The following FMN2 variants were observed in gnomAD, a reference collection of about 807,000 sequenced individuals.
FMN2 encodes formin 2.
Under a neutral mutation model 142.3 loss-of-function variants are expected in FMN2, and 51 were observed. The ratio of observed to expected loss-of-function variants is 0.36; its 90% CI spans 0.29 to 0.45. FMN2 has a LOEUF of 0.45. FMN2 is among the 20% of genes least tolerant of loss of function. The pLI, the probability that FMN2 is intolerant of heterozygous loss-of-function variation, is 1.00. For missense variants in FMN2, 1,936 were observed against 2,122.8 expected, an observed-to-expected ratio of 0.91 and a Z score of 1.73; for synonymous variants, 882 against 869.8, an observed-to-expected ratio of 1.01 and a Z score of -0.25.
intron 3 of FMN2, among the ~76,000 whole-genome samples, chr1:240,186,222 T>C (rs1665442461): frequency 6.6e-6 from 1 of 152,210 alleles, no homozygotes; most frequent in African/African-American, 2.4e-5. Flanking sequence ...CCTTACTCTC[T>C]CTTTCTCTGC....
chr1:240,394,044 T>C (rs1572262593), intron 15 of FMN2, among the ~76,000 whole-genome samples: 1 of 152,204 alleles, frequency 6.6e-6, no homozygotes, highest in East Asian at 1.9e-4. Flanking sequence ...TGTAACCATG[T>C]GTGGGAGAAC....
chr1:240,209,497 G>A lies in FMN2; in HGVS notation c.3920+765G>A, dbSNP rs951643279. Among the ~76,000 whole-genome samples, 8 of 150,424 alleles carry A rather than the reference G, an allele frequency of 5.3e-5. No homozygotes were observed. The South Asian group carries it at 8.5e-4, about 16-fold the overall frequency. Reference sequence around the variant, plus strand: ...TTCCCATCTCCTGACCTCGTGATCCGCCCGCCTCGGCTTCCCAAAATGCTG... The same window carrying A: ...TTCCCATCTCCTGACCTCGTGATCCACCCGCCTCGGCTTCCCAAAATGCTG... On this transcript the variant is annotated intron_variant, in intron 5 of 17. Coordinates refer to ENST00000319653, the MANE Select transcript of FMN2 (RefSeq NM_020066.5).
intron 15 of FMN2, 82 bp downstream of exon 15, chr1:240,392,644 C>A: frequency 1.8e-6 from 2 of 1,108,580 alleles, no homozygotes; most frequent in Non-Finnish European, 2.6e-6. Flanking sequence ...ATTTTTAGTT[C>A]AATTTTAATT....
At chr1:240,268,241 T>C (rs1461517927) in intron 7 of FMN2, among the ~76,000 whole-genome samples, 1 of 152,046 alleles carries the variant, frequency 6.6e-6, no homozygotes, top group Non-Finnish European at 1.5e-5. Flanking sequence ...CAGATTTGAT[T>C]GTTTTGTAGT....
At chr1:240,455,975 AAATAATAATAAT>A (rs140323437) in intron 16 of FMN2, among the ~76,000 whole-genome samples, 8 of 148,984 alleles carry the variant, frequency 5.4e-5, no homozygotes, top group Admixed American at 1.3e-4. Flanking sequence ...ACTGTCTCAA[AAATAATAATAAT>A]AATAATAATA....
intron 7 of FMN2, among the ~76,000 whole-genome samples, chr1:240,285,611 T>C (rs1357941781): frequency 6.6e-6 from 1 of 151,816 alleles, no homozygotes; most frequent in Non-Finnish European, 1.5e-5. Context: ...GACTGAGGAA[T>C]GGGGAACATT....
chr1:240,153,518 C>A (rs995196485), intron 2 of FMN2, among the ~76,000 whole-genome samples: 14 of 151,058 alleles, frequency 9.3e-5, no homozygotes, highest in Non-Finnish European at 1.8e-4. Flanking sequence ...TGCCACCATG[C>A]TTGGCAAATT....
intron 16 of FMN2, among the ~76,000 whole-genome samples, chr1:240,441,213 T>G (rs375056629): frequency 1.8e-4 from 27 of 152,258 alleles, no homozygotes; most frequent in African/African-American, 5.8e-4. Context: ...CAGGATGGTC[T>G]CCATCTCTTG....
chr1:240,257,558 G>C (rs1668488541), intron 6 of FMN2, among the ~76,000 whole-genome samples: 1 of 152,094 alleles, frequency 6.6e-6, no homozygotes, highest in Non-Finnish European at 1.5e-5. Context: ...GTGTGTCAAG[G>C]CTCCACATTG....
intron 15 of FMN2, among the ~76,000 whole-genome samples, chr1:240,406,510 T>C (rs1011702345): frequency 2.6e-5 from 4 of 152,248 alleles, no homozygotes; most frequent in African/African-American, 9.6e-5. Context: ...TATTTTCTTT[T>C]TCAGTTTTCT....
At chr1:240,366,112 T>C (rs947550693) in intron 14 of FMN2, among the ~76,000 whole-genome samples, 2 of 152,174 alleles carry the variant, frequency 1.3e-5, no homozygotes, top group African/African-American at 4.8e-5. Context: ...AAGGTTATAT[T>C]ATAGATCTAT....
chr1:240,146,484 C>A (rs2103263463), intron 2 of FMN2, among the ~76,000 whole-genome samples: 1 of 151,524 alleles, frequency 6.6e-6, no homozygotes, highest in African/African-American at 2.4e-5. Context: ...GGGCAGATCA[C>A]TTGAGGTCAG....
intron 4 of FMN2, among the ~76,000 whole-genome samples, chr1:240,197,036 G>T (rs2103364109): frequency 6.6e-6 from 1 of 152,280 alleles, no homozygotes; most frequent in African/African-American, 2.4e-5. Flanking sequence ...ACTGTTTGTT[G>T]TCTGGTAACT....
intron 3 of FMN2, among the ~76,000 whole-genome samples, chr1:240,181,255 C>T (rs1204689510): frequency 1.3e-5 from 2 of 152,116 alleles, no homozygotes; most frequent in African/African-American, 2.4e-5. Flanking sequence ...CCACTCCCCT[C>T]GGCCTCCCAA....
intron 15 of FMN2, among the ~76,000 whole-genome samples, chr1:240,413,047 T>C (rs548508272): frequency 8.0e-6 from 1 of 125,562 alleles, no homozygotes; most frequent in East Asian, 2.5e-4. Flanking sequence ...GGTGTGAACC[T>C]GGGAGGTAGA....
chr1:240,452,293 T>A lies in FMN2; in HGVS notation c.5060+14083T>A, dbSNP rs1390718670. On this transcript the variant is annotated intron_variant, in intron 16 of 17. Transcript: ENST00000319653. ...TTAGGCATTCATTTAGAATTTCAAA[T>A]ACCCAGAAGTGAAAGTTGACAGGCA... is the stretch of plus-strand genomic sequence containing the variant. Among the ~76,000 whole-genome samples the A allele has an allele frequency of 2.0e-5, 3 of 152,206 alleles. 1 individual carries two copies. The highest frequency in any genetic ancestry group is 1.3e-4 in the Admixed American group (2 of 15,274).
chr1:240,275,913 C>A (rs969913375), intron 7 of FMN2, among the ~76,000 whole-genome samples: 1 of 152,118 alleles, frequency 6.6e-6, no homozygotes, highest in Non-Finnish European at 1.5e-5. Context: ...CTGTTCATAT[C>A]CTTTGCCCAC....
intron 7 of FMN2, among the ~76,000 whole-genome samples, chr1:240,266,911 C>A (rs947912227): frequency 6.6e-6 from 1 of 151,874 alleles, no homozygotes; most frequent in Non-Finnish European, 1.5e-5. Flanking sequence ...TGAAACTGGA[C>A]CCCCAAAAAA....
At chr1:240,281,868 T>A (rs1026870754) in intron 7 of FMN2, among the ~76,000 whole-genome samples, 2 of 152,218 alleles carry the variant, frequency 1.3e-5, no homozygotes, top group African/African-American at 4.8e-5. Flanking sequence ...TTTAAGCAGA[T>A]CTTCATTTAC....
Sources: gnomAD v4.1 joint callset for allele counts (sites outside exome capture counted in the v4.1 genomes callset) on GRCh38, gnomAD v4.1.1 for gene constraint, MANE v1.5 for transcripts, NCBI Gene and HGNC (gene_info 2026-07-23, HGNC 2026-07-21) for gene names.